Variants in CHD6 observed in about 807,000 individuals in gnomAD.
CHD6 encodes chromodomain helicase DNA binding protein 6.
CHD6 carries 50 observed loss-of-function variants against 276.9 expected under a neutral mutation model. That is an observed-to-expected ratio of 0.18 (90% CI 0.14 to 0.23). The LOEUF is 0.23. CHD6 is among the 10% of genes least tolerant of loss of function. CHD6 has a pLI of 1.00. For missense variants in CHD6, 2,564 were observed against 3,365.8 expected, an observed-to-expected ratio of 0.76 and a Z score of 5.89; for synonymous variants, 1,173 against 1,229.3, an observed-to-expected ratio of 0.95 and a Z score of 0.96.
At chr20:41,439,872 C>A in intron 26 of CHD6, 128 bp downstream of exon 26, 1 of 874,088 alleles carries the variant, frequency 1.1e-6, no homozygotes, top group Non-Finnish European at 1.8e-6. Flanking sequence ...AAAACAGCGG[C>A]AGTGTGGCAA....
Position 41,416,681 on chromosome 20 carries a change from G to A in CHD6, c.6393C>T (p.Thr2131=). 1 of 1,614,134 alleles carries A rather than the reference G, an allele frequency of 6.2e-7. No individual in the cohort carries two copies. The highest frequency in any genetic ancestry group is 1.7e-5 in the Admixed American group (1 of 60,012). The change falls in exon 33 of 37, where the codon ACC becomes ACT. Residue 2131 remains threonine (T), a synonymous_variant. Transcript: ENST00000373233. ...PSGTLPTPVL[T]SSAGSRTSLS... is the part of the protein sequence containing the mutation. ...GGCTGGTTCGAGAACCAGCACTGCT[G>A]GTTAATACCGGGGTGGGCAGTGTGC...
intron 1 of CHD6, among the ~76,000 whole-genome samples, chr20:41,569,261 A>C (rs1299037063): frequency 6.6e-6 from 1 of 152,208 alleles, no homozygotes; most frequent in South Asian, 2.1e-4. Flanking sequence ...CAATAAGCAG[A>C]ATATTTAGGA....
Position 41,423,498 on chromosome 20 carries a change from C to T in CHD6, c.4549G>A (p.Asp1517Asn), listed in dbSNP as rs1481088820. 6.2e-7 allele frequency: 1 copy of T among 1,614,028 alleles called. No individual in the cohort carries two copies. The highest frequency in any genetic ancestry group is 1.7e-5 in the Admixed American group (1 of 60,036). The change falls in exon 30 of 37, where the codon GAT (aspartate) becomes AAT (asparagine). Residue 1517 changes from aspartate to asparagine, a missense_variant. Asp to Asn is a conservative substitution (Grantham distance 23). This residue lies in a region of CHD6 where 515 missense variants were observed against 739.5 expected (regional missense o/e 0.70). Transcript: ENST00000373233. ...ATACTGATAGTTTTCTCACCGCCAT[C>T]TTTCCATGTGGGTAGACGACAGACA... is the stretch of plus-strand genomic sequence containing the variant. ...RNVCRLPTWK[D>N]GGPPDTTIYV...
intron 3 of CHD6, 89 bp downstream of exon 3, chr20:41,532,961 G>A (rs1390687048): frequency 7.0e-7 from 1 of 1,423,144 alleles, no homozygotes; most frequent in African/African-American, 1.4e-5. Context: ...GTGCAGCAGG[G>A]TTATGCCTAG....
intron 1 of CHD6, among the ~76,000 whole-genome samples, chr20:41,603,621 TTTGGGAGGC>T (rs2045795677): frequency 1.3e-5 from 2 of 152,164 alleles, no homozygotes. Flanking sequence ...ATCCCAGCAC[TTTGGGAGGC>T]CAAGGCAGGT....
At chr20:41,604,963 G>T (rs1399225351) in intron 1 of CHD6, among the ~76,000 whole-genome samples, 3 of 152,114 alleles carry the variant, frequency 2.0e-5, no homozygotes, top group African/African-American at 7.2e-5. Flanking sequence ...ACATTTTCAT[G>T]GGAAAATTTT....
At position 41,485,278 on chromosome 20, in the gene CHD6, TTGTTCCCCCTCCCAG is replaced by T. The variant is rs565516428; in HGVS notation, c.2002-686_2002-672del. Among the ~76,000 whole-genome samples the T allele has an allele frequency of 1.4e-3, 211 of 152,294 alleles. No homozygotes were observed. In the Middle Eastern group the frequency reaches 0.017, roughly 12 times the overall value. On this transcript the variant is annotated intron_variant, in intron 14 of 36. Transcript: ENST00000373233. ...CAACTGACTGCACCAGCAAGGTGAC[TTGTTCCCCCTCCCAG>T]TGAGACAATGACAGACTGAGGGATT...
At position 41,403,384 on chromosome 20, in the gene CHD6, G is replaced by C; in HGVS notation, c.*1209C>G. On this transcript the variant is annotated 3_prime_UTR_variant, in exon 37 of 37. Transcript: ENST00000373233. ...AAAGGACATGGGGAAGTGCTGCTTA[G>C]GCAGTTTCTTTCTCAGTTCCTAAAC... 1 of 1,063,256 alleles carries C rather than the reference G, an allele frequency of 9.4e-7. No homozygotes were observed. Among genetic ancestry groups the C allele is most frequent in the South Asian group, 4.6e-5 (1 of 21,962 alleles). 65.9% of individuals were successfully genotyped at this position (1,063,256 alleles called of 1,614,324 possible). A position where few individuals can be genotyped will look rare whatever the true frequency, so the allele number is the denominator to read the frequency against.
intron 1 of CHD6, among the ~76,000 whole-genome samples, chr20:41,601,263 T>C (rs1198488412): frequency 6.6e-6 from 1 of 152,234 alleles, no homozygotes; most frequent in Non-Finnish European, 1.5e-5. Flanking sequence ...TTTGCCATTC[T>C]AGCACGAAGT....
At chr20:41,613,749 C>T (rs933001235) in intron 1 of CHD6, among the ~76,000 whole-genome samples, 2 of 152,038 alleles carry the variant, frequency 1.3e-5, no homozygotes, top group Non-Finnish European at 2.9e-5. Context: ...AAAGGTATGG[C>T]GATAGGGGTA....
At chr20:41,547,397 T>G (rs2045062947) in intron 2 of CHD6, 1 of 232,948 alleles carries the variant, frequency 4.3e-6, no homozygotes, top group South Asian at 6.6e-5. Context: ...TGAATCGGAT[T>G]CATCTGACAC....
chr20:41,528,624 G>T (rs1289326975), intron 3 of CHD6, among the ~76,000 whole-genome samples: 1 of 152,044 alleles, frequency 6.6e-6, no homozygotes. Context: ...ATATATATCT[G>T]TAATCCCAGC....
chr20:41,467,563 A>G (rs1176643463), intron 17 of CHD6, among the ~76,000 whole-genome samples: 5 of 109,272 alleles, frequency 4.6e-5, no homozygotes, highest in South Asian at 3.0e-4. Flanking sequence ...CTGACAATGA[A>G]AAAAAAAAAA....
Position 41,421,733 on chromosome 20 carries a change from C to T in CHD6, c.4902G>A (p.Gln1634=). 6.2e-7 allele frequency: 1 copy of T among 1,614,160 alleles called. No individual in the cohort carries two copies. Among genetic ancestry groups the T allele is most frequent in the Non-Finnish European group, 8.5e-7 (1 of 1,180,028 alleles). ...GAGATTCATATAACTTGGAGTTGGT[C>T]TGGTAAAGGCAACAGAGATTTCCTG... ...QAPGNLCCLY[Q]TNSKLYESLT... Residue 1634 remains glutamine (Q), a synonymous_variant, in exon 31 of 37, where the codon CAG becomes CAA. Transcript: ENST00000373233.
chr20:41,423,754 A>G (rs1469966073), intron 29 of CHD6, 54 bp from the exon 30 acceptor site: 2 of 1,424,086 alleles, frequency 1.4e-6, no homozygotes, highest in Non-Finnish European at 2.0e-6. Flanking sequence ...TTTTAAAGCC[A>G]ATAACTGCTT....
intron 25 of CHD6, among the ~76,000 whole-genome samples, chr20:41,443,582 A>AT (rs756700762): frequency 1.3e-5 from 2 of 151,960 alleles, no homozygotes; most frequent in Non-Finnish European, 2.9e-5. Context: ...GGTTGTTAGT[A>AT]TTTTCTGGGG....
intron 29 of CHD6, among the ~76,000 whole-genome samples, chr20:41,424,390 C>G (rs2047295516): frequency 6.6e-6 from 1 of 152,106 alleles, no homozygotes; most frequent in East Asian, 1.9e-4. Context: ...AGGGTGCTCT[C>G]CAATCCAGAG....
intron 3 of CHD6, among the ~76,000 whole-genome samples, chr20:41,530,068 C>T (rs1372045149): frequency 6.6e-6 from 1 of 152,216 alleles, no homozygotes; most frequent in Non-Finnish European, 1.5e-5. Flanking sequence ...AGCACCACCA[C>T]CTCTGCTTCC....
chr20:41,427,286 C>T (rs1157976403), intron 27 of CHD6, among the ~76,000 whole-genome samples: 1 of 151,658 alleles, frequency 6.6e-6, no homozygotes, highest in Non-Finnish European at 1.5e-5. Flanking sequence ...GCCCCTGATA[C>T]GACGCAAAGA....
Sources: gnomAD v4.1 joint callset for allele counts (sites outside exome capture counted in the v4.1 genomes callset) on GRCh38, gnomAD v4.1.1 for gene constraint, gnomAD v4.1.1 regional missense constraint, MANE v1.5 for transcripts, NCBI Gene and HGNC (gene_info 2026-07-23, HGNC 2026-07-21) for gene names.